The following SORCS2 variants were observed in gnomAD, a reference collection of about 807,000 sequenced individuals.
SORCS2 encodes the protein sortilin related VPS10 domain containing receptor 2.
SORCS2 carries 100 observed loss-of-function variants against 141.6 expected under a neutral mutation model. That is an observed-to-expected ratio of 0.71 (90% CI 0.60 to 0.83). The LOEUF (loss-of-function observed/expected upper bound fraction) is 0.83. Among genes scored for constraint, SORCS2 ranks in the 40% least tolerant of loss-of-function variants. The pLI is 0.00. For synonymous variants in SORCS2, 789 were observed against 676.9 expected (o/e 1.17, Z -2.57); for missense variants, 1,646 against 1,560.2 (o/e 1.05, Z -0.93).
intron 6 of SORCS2, among the ~76,000 whole-genome samples, chr4:7,662,225 C>T (rs1421823074): frequency 9.7e-5 from 14 of 144,252 alleles, no homozygotes; most frequent in African/African-American, 3.4e-4. Context: ...TCCCCACCCT[C>T]CCCCCCCTCC....
intron 3 of SORCS2, among the ~76,000 whole-genome samples, chr4:7,603,015 C>T (rs187121509): frequency 5.9e-5 from 9 of 152,230 alleles, no homozygotes. Flanking sequence ...AAAAACCAGT[C>T]AGGCGTGGTG....
chr4:7,266,352 G>A (rs536151996), intron 1 of SORCS2, among the ~76,000 whole-genome samples: 6 of 152,282 alleles, frequency 3.9e-5, no homozygotes, highest in Admixed American at 2.6e-4. Context: ...GGCTTGTTTC[G>A]GGAGCAGCTG....
intron 1 of SORCS2, among the ~76,000 whole-genome samples, chr4:7,349,008 C>A (rs1417756894): frequency 6.6e-6 from 1 of 152,232 alleles, no homozygotes; most frequent in Non-Finnish European, 1.5e-5. Flanking sequence ...CCCCTTCCCC[C>A]CTCTGGCTTC....
intron 2 of SORCS2, among the ~76,000 whole-genome samples, chr4:7,487,129 G>A (rs1731037355): frequency 6.6e-6 from 1 of 152,178 alleles, no homozygotes; most frequent in South Asian, 2.1e-4. Context: ...TGGTAACGAT[G>A]TGACTCACCC....
intron 3 of SORCS2, among the ~76,000 whole-genome samples, chr4:7,580,012 G>A (rs1716038237): frequency 6.6e-6 from 1 of 152,196 alleles, no homozygotes. Flanking sequence ...GAGTCTGCAA[G>A]TAGATGTGTT....
At chr4:7,613,915 T>C (rs1718584200) in intron 3 of SORCS2, among the ~76,000 whole-genome samples, 1 of 151,730 alleles carries the variant, frequency 6.6e-6, no homozygotes, top group Non-Finnish European at 1.5e-5. Context: ...TATCCACTCA[T>C]CAAACATCCG....
At chr4:7,307,791 G>A (rs916543716) in intron 1 of SORCS2, among the ~76,000 whole-genome samples, 1 of 152,000 alleles carries the variant, frequency 6.6e-6, no homozygotes, top group African/African-American at 2.4e-5. Flanking sequence ...ATGAGTGTGT[G>A]TGTGCATGGT....
At chr4:7,502,283 C>T (rs1732021150) in intron 2 of SORCS2, among the ~76,000 whole-genome samples, 2 of 152,194 alleles carry the variant, frequency 1.3e-5, no homozygotes, top group South Asian at 4.1e-4. Context: ...GAGGCTTCGC[C>T]AGGCTCAGCA....
intron 19 of SORCS2, among the ~76,000 whole-genome samples, 164 bp from the exon 20 acceptor site, chr4:7,724,990 G>A (rs1318697587): frequency 7.1e-6 from 1 of 141,064 alleles, no homozygotes; most frequent in Non-Finnish European, 1.5e-5. Flanking sequence ...GGAATGGATG[G>A]TGGTAGTAGT....
At chr4:7,454,868 G>A (rs1186673994) in intron 2 of SORCS2, among the ~76,000 whole-genome samples, 4 of 127,654 alleles carry the variant, frequency 3.1e-5, no homozygotes, top group African/African-American at 1.2e-4. Context: ...TTGGGGTCAG[G>A]TGCTGTGTGT....
At chr4:7,622,195 G>A (rs1264405261) in intron 3 of SORCS2, among the ~76,000 whole-genome samples, 1 of 152,130 alleles carries the variant, frequency 6.6e-6, no homozygotes, top group Non-Finnish European at 1.5e-5. Context: ...TGTAGCTCGG[G>A]TGGGAGGAAG....
intron 2 of SORCS2, among the ~76,000 whole-genome samples, chr4:7,464,873 T>C (rs4303979): frequency 0.55 from 83,674 of 152,128 alleles, 24,077 homozygotes; most frequent in African/African-American, 0.68. Context: ...GAGAGGTGGG[T>C]GATGCTGCCT....
At chr4:7,542,586 C>G (rs980917341) in intron 3 of SORCS2, among the ~76,000 whole-genome samples, 1 of 152,172 alleles carries the variant, frequency 6.6e-6, no homozygotes, top group African/African-American at 2.4e-5. Flanking sequence ...TCTCCCAGAG[C>G]CTTCGGGAAG....
intron 2 of SORCS2, chr4:7,434,195 A>G: frequency 6.2e-7 from 1 of 1,613,874 alleles, no homozygotes; most frequent in Non-Finnish European, 8.5e-7. Flanking sequence ...AAAAACTGGA[A>G]GAGGTAGTTC....
chr4:7,194,124 G>A (rs548355354), intron 1 of SORCS2, among the ~76,000 whole-genome samples: 1 of 152,138 alleles, frequency 6.6e-6, no homozygotes, highest in Non-Finnish European at 1.5e-5. Context: ...TAGGGAGGTG[G>A]CAGCCATGAA....
At chr4:7,734,774 A>C (rs186241845) in intron 25 of SORCS2, among the ~76,000 whole-genome samples, 1 of 152,198 alleles carries the variant, frequency 6.6e-6, no homozygotes, top group Non-Finnish European at 1.5e-5. Flanking sequence ...GACCTGACCC[A>C]GGCCCGCCCA....
chr4:7,661,269 T>G (rs59735115), intron 5 of SORCS2, among the ~76,000 whole-genome samples: 2,160 of 106,042 alleles, frequency 0.02, 28 homozygotes, highest in Middle Eastern at 0.031. Flanking sequence ...CTCAGCTCAC[T>G]CAAGGAAAAC....
At chr4:7,462,292 G>A (rs1170092937) in intron 2 of SORCS2, among the ~76,000 whole-genome samples, 3 of 152,208 alleles carry the variant, frequency 2.0e-5, no homozygotes, top group Non-Finnish European at 4.4e-5. Flanking sequence ...ACCTGTGAGC[G>A]GGAGATGTGA....
chr4:7,669,631 CT>C (rs753557014), intron 8 of SORCS2, among the ~76,000 whole-genome samples: 2 of 150,726 alleles, frequency 1.3e-5, no homozygotes, highest in Non-Finnish European at 2.9e-5. Context: ...TCAACTCTCT[CT>C]TTTTTTTCTT....
Sources: allele counts gnomAD v4.1 joint callset (sites outside exome capture counted in the v4.1 genomes callset), GRCh38; gene constraint gnomAD v4.1.1; transcripts MANE v1.5; gene names NCBI Gene and HGNC (gene_info 2026-07-23, HGNC 2026-07-21).